Variants in RUVBL2 observed in about 807,000 individuals in gnomAD.
The protein encoded by RUVBL2 is ruvB-like 2.
Under a neutral mutation model 57.9 loss-of-function variants are expected in RUVBL2, and 9 were observed. That is an observed-to-expected ratio of 0.16 (90% confidence interval 0.09 to 0.27). RUVBL2 has a LOEUF of 0.27. Ranked by LOEUF, RUVBL2 falls within the 10% of genes least tolerant of loss-of-function variation. RUVBL2 has a pLI of 1.00. For missense variants in RUVBL2, 456 were observed against 669.6 expected (o/e 0.68, Z 3.52); for synonymous variants, 278 against 264.6 (o/e 1.05, Z -0.49).
intron 2 of RUVBL2, among the ~76,000 whole-genome samples, chr19:49,002,742 G>A (rs1416230112): frequency 1.3e-5 from 2 of 151,972 alleles, no homozygotes; most frequent in African/African-American, 4.8e-5. Context: ...CTGCCACCAT[G>A]CCCAGCTAAT....
Position 49,005,504 on chromosome 19 carries a change from C to T in RUVBL2, c.265+1086C>T, listed in dbSNP as rs184088839. ...TTGTTGCTAGAGGCTTCCAGAGAAG[C>T]GGATACCTGAGCTAAGCCTAGTAGG... On this transcript the variant is annotated intron_variant, in intron 4 of 14. Transcript: ENST00000595090. 2.9e-3 allele frequency among the ~76,000 whole-genome samples: 446 copies of T among 152,260 alleles called. 2 individuals carry two copies. The highest frequency in any genetic ancestry group is 0.01 in the African/African-American group (417 of 41,566).
In RUVBL2 at chr19:48,993,899, G is replaced by C; in HGVS notation, c.-13G>C. 1 of 1,614,160 alleles carries C rather than the reference G, an allele frequency of 6.2e-7. No homozygotes were observed. Among genetic ancestry groups the C allele is most frequent in the Non-Finnish European group, 8.5e-7 (1 of 1,180,020 alleles). On this transcript the variant is annotated 5_prime_UTR_variant, in exon 1 of 15. Coordinates refer to ENST00000595090, the MANE Select transcript of RUVBL2 (RefSeq NM_006666.3). ...TTCCGTTTCCGCTAGGACTCTGGCAGTTGGTGAGCATCATGGCAACCGTTG... is the reference window on the plus strand; with the variant it reads ...TTCCGTTTCCGCTAGGACTCTGGCACTTGGTGAGCATCATGGCAACCGTTG...
intron 7 of RUVBL2, 21 bp downstream of exon 7, chr19:49,009,903 C>T (rs1600189421): frequency 6.2e-7 from 1 of 1,613,104 alleles, no homozygotes; most frequent in Non-Finnish European, 8.5e-7. Flanking sequence ...AGGGGCCATG[C>T]CAGGCAGCCA....
rs180964717 is a variant in RUVBL2 at position 49,011,114 on chromosome 19, C to G, written c.882+21C>G. On this transcript the variant is annotated intron_variant, in intron 10 of 14. Coordinates refer to ENST00000595090, the MANE Select transcript of RUVBL2 (RefSeq NM_006666.3). This position sits in a 1 kb window ranked among gnomAD's most constrained non-coding sequence, Gnocchi z 4.4. Reference sequence around the variant, plus strand: ...CTGGAGTGAGGACCCAGGACATGGCCGGGGCGGGTGGTGGGGTGGAGGTGG... The same window carrying G: ...CTGGAGTGAGGACCCAGGACATGGCGGGGGCGGGTGGTGGGGTGGAGGTGG... 2 of 547,092 alleles carry G rather than the reference C, an allele frequency of 3.7e-6. No homozygotes were observed. The highest frequency in any genetic ancestry group is 6.9e-6 in the Non-Finnish European group (2 of 289,546). The allele number at this position is 547,092 out of a possible 1,614,324, so 33.9% of individuals were successfully genotyped here.
chr19:49,008,624 C>T (rs1332651289), intron 6 of RUVBL2, among the ~76,000 whole-genome samples: 1 of 151,704 alleles, frequency 6.6e-6, no homozygotes, highest in Non-Finnish European at 1.5e-5. Context: ...GGTGGGCGAT[C>T]ACTTGAGATC....
chr19:49,008,353 GC>G (rs1041681578), intron 6 of RUVBL2, among the ~76,000 whole-genome samples: 27 of 149,318 alleles, frequency 1.8e-4, no homozygotes, highest in Non-Finnish European at 3.4e-4. Context: ...CCATTCTCCT[GC>G]CTCAGCCTCC....
rs1568640423 is a variant in RUVBL2, at chr19:49,010,481, C to T, written c.664-7C>T. Reference sequence around the variant, plus strand: ...TCCGCCGTTCTTCCCCCACCCCCGCCCCATAGACCAAGTTCGTGCAGTGCC... The same window carrying T: ...TCCGCCGTTCTTCCCCCACCCCCGCTCCATAGACCAAGTTCGTGCAGTGCC... On this transcript the variant is annotated splice_region_variant and splice_polypyrimidine_tract_variant and intron_variant, in intron 8 of 14. Transcript: ENST00000595090. The T allele has an allele frequency of 1.9e-6, 3 of 1,602,842 alleles. No homozygotes were observed. Among genetic ancestry groups the T allele is most frequent in the Non-Finnish European group, 2.6e-6 (3 of 1,171,064 alleles).
In RUVBL2 at chr19:49,011,389, G is replaced by A; in HGVS notation, c.1001+79G>A. ...GTGGTCAGAGGGTCAATGGGAGCCTGTGTTGACACCGGGTCAGGGAGGGAC... is the reference window on the plus strand; with the variant it reads ...GTGGTCAGAGGGTCAATGGGAGCCTATGTTGACACCGGGTCAGGGAGGGAC... On this transcript the variant is annotated intron_variant, in intron 11 of 14. Transcript: ENST00000595090. The surrounding 1 kb of genome is among the most constrained non-coding windows in gnomAD (Gnocchi z 4.4). The A allele has an allele frequency of 8.6e-7, 1 of 1,157,538 alleles. No individual in the cohort carries two copies. The highest frequency in any genetic ancestry group is 1.3e-6 in the Non-Finnish European group (1 of 775,346). 71.7% of individuals were successfully genotyped at this position (1,157,538 alleles called of 1,614,324 possible). A position where few individuals can be genotyped will look rare whatever the true frequency, so the allele number is the denominator to read the frequency against.
Position 49,004,179 on chromosome 19 carries a change from C to T in RUVBL2, c.124-98C>T, listed in dbSNP as rs777688357. 3.5e-6 allele frequency: 5 copies of T among 1,437,556 alleles called. No homozygotes were observed. The African/African-American group carries it at 7.3e-5, about 21-fold the overall frequency. The allele number at this position is 1,437,556 out of a possible 1,614,324, so 89.1% of individuals were successfully genotyped here. ...TTTTGGCTTTTCCTAGAAGTCCCAG[C>T]TAGTAATGTCTGCTTCCATCTCACT... is the stretch of plus-strand genomic sequence containing the variant. On this transcript the variant is annotated intron_variant, in intron 3 of 14. Coordinates refer to ENST00000595090, the MANE Select transcript of RUVBL2 (RefSeq NM_006666.3).
intron 1 of RUVBL2, among the ~76,000 whole-genome samples, chr19:48,997,149 G>A (rs906797137): frequency 6.6e-6 from 1 of 152,004 alleles, no homozygotes; most frequent in African/African-American, 2.4e-5. Flanking sequence ...ACCTGTCACC[G>A]CTAATCCTTC....
At chr19:49,002,056 G>T (rs112256404) in intron 2 of RUVBL2, among the ~76,000 whole-genome samples, 11,773 of 145,180 alleles carry the variant, frequency 0.081, 476 homozygotes, top group Middle Eastern at 0.12. Flanking sequence ...GTTTTTTGTT[G>T]TTTTTTTTTT....
At chr19:49,000,115 C>G (rs890388195) in intron 2 of RUVBL2, among the ~76,000 whole-genome samples, 1 of 152,222 alleles carries the variant, frequency 6.6e-6, no homozygotes, top group African/African-American at 2.4e-5. Flanking sequence ...CACCATGTGG[C>G]CAGGGACTAG....
chr19:48,994,943 C>T (rs1015636931), intron 1 of RUVBL2: 10 of 152,078 alleles, frequency 6.6e-5, no homozygotes, highest in Admixed American at 4.6e-4. Context: ...GGTAATGTGA[C>T]CTGAACTTAG....
intron 7 of RUVBL2, 32 bp from the exon 8 acceptor site, chr19:49,009,941 C>T: frequency 6.2e-7 from 1 of 1,611,218 alleles, no homozygotes; most frequent in Non-Finnish European, 8.5e-7. Flanking sequence ...GGGCCCATTC[C>T]TTTCCTTACC....
upstream of RUVBL2, chr19:48,993,827 A>G: frequency 1.3e-6 from 2 of 1,545,802 alleles, no homozygotes; most frequent in Non-Finnish European, 1.8e-6. Context: ...AGATCTTTGA[A>G]GAACCAGCTA....
At chr19:49,013,689 T>G (rs1277301365) in intron 11 of RUVBL2, among the ~76,000 whole-genome samples, 8 of 152,132 alleles carry the variant, frequency 5.3e-5, no homozygotes. Flanking sequence ...CCGAGGTGGG[T>G]GGATCACGAG....
intron 13 of RUVBL2, 100 bp from the exon 14 acceptor site, chr19:49,015,472 C>T: frequency 2.0e-6 from 2 of 977,776 alleles, no homozygotes; most frequent in South Asian, 1.3e-5. Flanking sequence ...CCTCACATGC[C>T]ACACTCTGCT....
intron 1 of RUVBL2, among the ~76,000 whole-genome samples, chr19:48,996,523 T>C (rs1313208414): frequency 6.6e-6 from 1 of 151,092 alleles, no homozygotes; most frequent in Non-Finnish European, 1.5e-5. Context: ...TGTGTGTGTG[T>C]GTGTGTGTGT....
At chr19:49,010,140 C>A in intron 8 of RUVBL2, 74 bp downstream of exon 8, 2 of 1,315,440 alleles carry the variant, frequency 1.5e-6, no homozygotes, top group Non-Finnish European at 2.1e-6. Context: ...ACCCCCTTGA[C>A]CCATGGGGTC....
Sources: allele counts gnomAD v4.1 joint callset (sites outside exome capture counted in the v4.1 genomes callset), GRCh38; gene constraint gnomAD v4.1.1; non-coding constraint Gnocchi (gnomAD v3.1); transcripts MANE v1.5; gene names NCBI Gene and HGNC (gene_info 2026-07-23, HGNC 2026-07-21).